MACROD1: variants seen among roughly 807,000 people sequenced by gnomAD.
The protein encoded by MACROD1 is mono-ADP ribosylhydrolase 1.
Under a neutral mutation model 41.4 loss-of-function variants are expected in MACROD1, and 31 were observed. The ratio of observed to expected loss-of-function variants is 0.75; its 90% CI spans 0.56 to 1.01. The LOEUF is 1.01. Ranked by LOEUF, MACROD1 falls within the 50% of genes least tolerant of loss-of-function variation. The probability of loss-of-function intolerance (pLI) is 0.00; values close to 1 mark genes in which losing one functional copy is unlikely to be tolerated. For synonymous variants in MACROD1, 252 were observed against 203.4 expected (o/e 1.24, Z -2.03); for missense variants, 473 against 460.0 (o/e 1.03, Z -0.26).
intron 3 of MACROD1, among the ~76,000 whole-genome samples, chr11:64,091,106 GAGA>G (rs1944482210): frequency 7.2e-6 from 1 of 138,140 alleles, no homozygotes. Context: ...GAAGGGAGAG[GAGA>G]AGGAGGGAAG....
Position 64,025,016 on chromosome 11 carries a change from G to A in MACROD1, c.518-9735C>T, listed in dbSNP as rs955171135. On this transcript the variant is annotated intron_variant, in intron 3 of 10. Transcript: ENST00000255681. The stretch of plus-strand genomic sequence containing the variant: ...TTTTGAGACAGAGTCTCACTCTGTC[G>A]CCCAGGCTGGAGTGCAGTGGTGCTA... 3.9e-5 allele frequency among the ~76,000 whole-genome samples: 6 copies of A among 151,954 alleles called. 1 individual carries two copies. The highest frequency in any genetic ancestry group is 4.2e-4 in the South Asian group (2 of 4,798).
intron 3 of MACROD1, among the ~76,000 whole-genome samples, chr11:64,031,400 T>C (rs923985106): frequency 4.0e-5 from 6 of 149,762 alleles, no homozygotes; most frequent in Non-Finnish European, 7.4e-5. Context: ...TGCATAATGG[T>C]GGGAGGGGAG....
At chr11:64,016,283 C>T (rs765070453) in intron 3 of MACROD1, among the ~76,000 whole-genome samples, 10 of 152,256 alleles carry the variant, frequency 6.6e-5, no homozygotes, top group South Asian at 2.1e-4. Flanking sequence ...AGCCCCGATC[C>T]GCAGCCTGCG....
chr11:64,128,014 G>C (rs1442640798), intron 3 of MACROD1, among the ~76,000 whole-genome samples: 1 of 152,196 alleles, frequency 6.6e-6, no homozygotes, highest in African/African-American at 2.4e-5. Flanking sequence ...TACAGTTAAC[G>C]GGTTTTTCCT....
chr11:64,042,001 G>A (rs1011829252), intron 3 of MACROD1, among the ~76,000 whole-genome samples: 1 of 152,078 alleles, frequency 6.6e-6, no homozygotes, highest in Non-Finnish European at 1.5e-5. Context: ...GGGGCAGTTA[G>A]GGGCCCACCC....
chr11:64,038,847 C>T (rs1400510753), intron 3 of MACROD1, among the ~76,000 whole-genome samples: 1 of 152,208 alleles, frequency 6.6e-6, no homozygotes, highest in Admixed American at 6.5e-5. Context: ...GAGGGTTTCT[C>T]TACCTGGCCT....
intron 3 of MACROD1, among the ~76,000 whole-genome samples, chr11:64,124,605 G>T (rs372205790): frequency 6.6e-6 from 1 of 152,006 alleles, no homozygotes; most frequent in African/African-American, 2.4e-5. Flanking sequence ...AAAAGTGGGG[G>T]TCAGGCCCCC....
intron 3 of MACROD1, among the ~76,000 whole-genome samples, chr11:64,088,224 G>A (rs1003628929): frequency 7.2e-5 from 11 of 152,188 alleles, no homozygotes. Context: ...GTTGGTAAAA[G>A]TCGCTGCCTC....
intron 4 of MACROD1, chr11:64,001,673 G>T: frequency 1.4e-6 from 1 of 701,566 alleles, no homozygotes; most frequent in Non-Finnish European, 2.6e-6. Context: ...CGCTGAGAAC[G>T]GCTCAGGCCT....
intron 4 of MACROD1, among the ~76,000 whole-genome samples, chr11:64,007,656 C>G (rs1228027816): frequency 6.6e-6 from 1 of 152,204 alleles, no homozygotes; most frequent in Admixed American, 6.5e-5. Context: ...TCTGGACCCT[C>G]TTCTGTTCCC....
chr11:64,014,601 T>C (rs1054726508), intron 4 of MACROD1, among the ~76,000 whole-genome samples: 1 of 152,182 alleles, frequency 6.6e-6, no homozygotes, highest in Non-Finnish European at 1.5e-5. Flanking sequence ...GCTGCAGGAC[T>C]GGGCTGAGGG....
At chr11:64,149,035 C>T in intron 3 of MACROD1, 1 of 985,258 alleles carries the variant, frequency 1.0e-6, no homozygotes. Flanking sequence ...CTGTGAGAGT[C>T]TAGAACAAAA....
chr11:64,141,466 T>C (rs565344095), intron 3 of MACROD1, among the ~76,000 whole-genome samples: 1 of 152,308 alleles, frequency 6.6e-6, no homozygotes, highest in South Asian at 2.1e-4. Flanking sequence ...AGAGTACCCA[T>C]CCGTTAAACG....
At chr11:64,117,519 G>A in intron 3 of MACROD1, 1 of 1,605,622 alleles carries the variant, frequency 6.2e-7, no homozygotes, top group Non-Finnish European at 8.5e-7. Context: ...CAAAAGGCCA[G>A]GGCTGCGCCT....
At chr11:64,065,720 G>A (rs561925070) in intron 3 of MACROD1, among the ~76,000 whole-genome samples, 4 of 151,256 alleles carry the variant, frequency 2.6e-5, no homozygotes, top group Non-Finnish European at 5.9e-5. Flanking sequence ...AACCCGGGAG[G>A]CGGAGCTTGC....
intron 3 of MACROD1, among the ~76,000 whole-genome samples, chr11:64,049,670 AG>A (rs1371649408): frequency 6.6e-6 from 1 of 152,208 alleles, no homozygotes; most frequent in Non-Finnish European, 1.5e-5. Context: ...CTGGGGGTGC[AG>A]ACAGACAGCT....
intron 3 of MACROD1, among the ~76,000 whole-genome samples, chr11:64,098,742 G>T (rs1424247384): frequency 6.6e-6 from 1 of 152,210 alleles, no homozygotes; most frequent in Non-Finnish European, 1.5e-5. Context: ...TGCTTACAAT[G>T]ATCTAAACTC....
chr11:64,092,184 G>T (rs1399378567), intron 3 of MACROD1, among the ~76,000 whole-genome samples: 1 of 152,186 alleles, frequency 6.6e-6, no homozygotes, highest in Non-Finnish European at 1.5e-5. Context: ...ACAGTCTCAG[G>T]CTCCAAAGAG....
rs372635868 is a variant in MACROD1 at position 64,021,931 on chromosome 11, GC to G, written c.518-6651del. On this transcript the variant is annotated intron_variant, in intron 3 of 10. Transcript: ENST00000255681. ...AGGAAATGCAAGGGAGTGGCAGGGG[GC>G]CGGGGGGGGGGGGGGGGGGTGTGAG... 3.8e-3 allele frequency among the ~76,000 whole-genome samples: 129 copies of G among 34,358 alleles called. 9 individuals are homozygous for G. The highest frequency in any genetic ancestry group is 0.01 in the South Asian group (9 of 884). The allele number at this position is 34,358 out of a possible 152,430, so 22.5% of individuals were successfully genotyped here. A position where few individuals can be genotyped will look rare whatever the true frequency, so the allele number is the denominator to read the frequency against.
Sources: allele counts gnomAD v4.1 joint callset (sites outside exome capture counted in the v4.1 genomes callset), GRCh38; gene constraint gnomAD v4.1.1; transcripts MANE v1.5; gene names NCBI Gene and HGNC (gene_info 2026-07-23, HGNC 2026-07-21).